The following ZFHX2 variants were observed in gnomAD, a reference collection of about 807,000 sequenced individuals.
The protein encoded by ZFHX2 is zinc finger homeobox 2.
In ZFHX2, 75 loss-of-function variants were observed where a neutral mutation model predicts 164.8. That is an observed-to-expected ratio of 0.46 (90% CI 0.38 to 0.55). The LOEUF is 0.55. Among genes scored for constraint, ZFHX2 ranks in the 20% least tolerant of loss-of-function variants. The pLI is 0.00. For synonymous variants in ZFHX2, 1,217 were observed against 1,351.4 expected (o/e 0.90, Z 2.18); for missense variants, 2,933 against 3,308.0 (o/e 0.89, Z 2.78).
chr14:23,522,096 C>T lies in ZFHX2; in HGVS notation c.7585G>A (p.Gly2529Ser), dbSNP rs1878072476. 6.5e-7 allele frequency: 1 copy of T among 1,535,680 alleles called. No homozygotes were observed. The highest frequency in any genetic ancestry group is 1.4e-5 in the African/African-American group (1 of 73,162). Residue 2529 changes from glycine (G) to serine (S), a missense_variant, in exon 10 of 10, where the codon GGC (glycine) becomes AGC (serine). Physicochemically the swap from Gly to Ser is moderately conservative, Grantham distance 56. Coordinates refer to ENST00000419474, the MANE Select transcript of ZFHX2 (RefSeq NM_033400.3). ...HRRKAAPPQG[G>S]PPISITNAAT... is the part of the protein sequence containing the mutation. The stretch of plus-strand genomic sequence containing the variant: ...GCGTTGGTGATGGAGATGGGTGGGC[C>T]CCCTTGAGGTGGGGCTGCCTTGCGC...
intron 1 of ZFHX2, chr14:23,544,283 G>GAAAAAAAAAAAAAAA (rs369824791): frequency 2.8e-5 from 2 of 71,414 alleles, no homozygotes; most frequent in African/African-American, 9.6e-5. Flanking sequence ...ACAGAAAACA[G>GAAAAAAAAAAAAAAA]AAAAAAAAAA....
At chr14:23,553,841 C>T (rs568193185), upstream of ZFHX2, among the ~76,000 whole-genome samples, 8 of 152,062 alleles carry the variant, frequency 5.3e-5, no homozygotes, top group Non-Finnish European at 8.8e-5. Flanking sequence ...TTGCAGTGAG[C>T]CGAGATGGCG....
Position 23,526,872 on chromosome 14 carries a change from A to T in ZFHX2, c.3237T>A (p.Pro1079=), listed in dbSNP as rs761972807. The T allele has an allele frequency of 1.4e-5, 21 of 1,533,516 alleles. No homozygotes were observed. Among genetic ancestry groups the T allele is most frequent in the Non-Finnish European group, 1.8e-5 (21 of 1,145,852 alleles). The allele number at this position is 1,533,516 out of a possible 1,614,324, so 95.0% of individuals were successfully genotyped here. A position where few individuals can be genotyped will look rare whatever the true frequency, so the allele number is the denominator to read the frequency against. The change falls in exon 8 of 10, where the codon CCT becomes CCA. Residue 1079 remains proline (P), a synonymous_variant. Coordinates refer to ENST00000419474, the MANE Select transcript of ZFHX2 (RefSeq NM_033400.3). ...CTGCTGCCTGGTCTCTGCTCGGTGT[A>T]GGCTCTGGCCCATGAGTGGGGGGTT... The part of the protein sequence containing the change: ...GQEPPTHGPE[P]TPSRDQAAEG...
chr14:23,525,642 C>T lies in ZFHX2; in HGVS notation c.4300G>A (p.Glu1434Lys), dbSNP rs1015652396. ...PSSPPDPLPN[E>K]AARTAAKALL... ...GCTTTGGCTGCAGTGCGGGCAGCCT[C>T]GTTGGGCAATGGGTCGGGGGGTGAG... Residue 1434 changes from glutamate (E) to lysine (K), a missense_variant, in exon 9 of 10, where the codon GAG becomes AAG. Physicochemically the swap from Glu to Lys is moderately conservative, Grantham distance 56 (BLOSUM62 1). Coordinates refer to ENST00000419474, the MANE Select transcript of ZFHX2 (RefSeq NM_033400.3). This position sits in a 1 kb window ranked among gnomAD's most constrained non-coding sequence, Gnocchi z 5.9. The T allele has an allele frequency of 9.1e-6, 14 of 1,535,706 alleles. No homozygotes were observed. Among genetic ancestry groups the T allele is most frequent in the African/African-American group, 2.7e-5 (2 of 73,000 alleles).
upstream of ZFHX2, among the ~76,000 whole-genome samples, chr14:23,554,640 G>A (rs186274033): frequency 6.7e-6 from 1 of 149,328 alleles, no homozygotes; most frequent in African/African-American, 2.5e-5. Flanking sequence ...CTCCTGCCTC[G>A]ACCTCCCAAA....
In ZFHX2 at chr14:23,533,254, GAGAGA is replaced by G. The variant is rs1034315529; in HGVS notation, c.2041+26_2041+30del. 8.1e-6 allele frequency: 9 copies of G among 1,106,192 alleles called. No individual in the cohort carries two copies. Among genetic ancestry groups the G allele is most frequent in the Middle Eastern group, 2.8e-4 (1 of 3,590 alleles). 68.5% of individuals were successfully genotyped at this position (1,106,192 alleles called of 1,614,324 possible). A position where few individuals can be genotyped will look rare whatever the true frequency, so the allele number is the denominator to read the frequency against. The stretch of plus-strand genomic sequence containing the variant: ...CGGAATAGAGTTTGGCCCTGGGGAG[GAGAGA>G]AGAGGGAAGAAGCACAGAAGCTTAC... On this transcript the variant is annotated intron_variant, in intron 2 of 9. Coordinates refer to ENST00000419474, the MANE Select transcript of ZFHX2 (RefSeq NM_033400.3). The surrounding 1 kb of genome is among the most constrained non-coding windows in gnomAD (Gnocchi z 4.8).
chr14:23,521,989 C>T lies in ZFHX2; in HGVS notation c.7692G>A (p.Thr2564=), dbSNP rs199642013. Residue 2564 remains threonine, a synonymous_variant, in exon 10 of 10, where the codon ACG becomes ACA. Transcript: ENST00000419474. ...LPHTDSNPKT[T]TTSTLLAL ...ATAAAGCTAGAAGTGTAGAGGTAGT[C>T]GTAGTTTTTGGGTTGGAGTCCGTGT... 3.4e-5 allele frequency: 52 copies of T among 1,536,192 alleles called. No homozygotes were observed. Among genetic ancestry groups the T allele is most frequent in the South Asian group, 8.3e-5 (7 of 84,012 alleles).
At position 23,533,651 on chromosome 14, in the gene ZFHX2, C is replaced by T. The variant is rs751758978; in HGVS notation, c.1675G>A (p.Gly559Arg). 45 of 1,537,102 alleles carry T rather than the reference C, an allele frequency of 2.9e-5. No individual in the cohort carries two copies. Among genetic ancestry groups the T allele is most frequent in the Non-Finnish European group, 3.8e-5 (44 of 1,147,148 alleles). The part of the protein sequence containing the change: ...PPEASLPPSA[G>R]DKEPKTKSSW... ...GATTTGGTCTTAGGCTCTTTGTCTC[C>T]CGCGGAGGGTGGGAGTGATGCCTCT... The change falls in exon 2 of 10, where the codon GGA becomes AGA. Residue 559 changes from glycine (G) to arginine (R), a missense_variant. Physicochemically the swap from Gly to Arg is moderately radical, Grantham distance 125. Transcript: ENST00000419474. This position sits in a 1 kb window ranked among gnomAD's most constrained non-coding sequence, Gnocchi z 4.8.
At position 23,534,191 on chromosome 14, in the gene ZFHX2, G is replaced by C. The variant is rs1346896262; in HGVS notation, c.1135C>G (p.Gln379Glu). The C allele has an allele frequency of 6.8e-7, 1 of 1,479,782 alleles. No homozygotes were observed. Among genetic ancestry groups the C allele is most frequent in the Non-Finnish European group, 8.9e-7 (1 of 1,119,016 alleles). 91.7% of individuals were successfully genotyped at this position (1,479,782 alleles called of 1,614,324 possible). Residue 379 changes from glutamine to glutamate, a missense_variant, in exon 2 of 10, where the codon CAA (glutamine) becomes GAA (glutamate). By Grantham distance (29) the Gln-to-Glu change is conservative. Transcript: ENST00000419474. The surrounding 1 kb of genome is among the most constrained non-coding windows in gnomAD (Gnocchi z 4.5). The stretch of plus-strand genomic sequence containing the variant: ...GGGCAGAGCCCTCCATCCTCTTCTT[G>C]CCCCTCAGGGAACCAATCTGGCCCT... ...EAGPDWFPEG[Q>E]EEDGGLCPPL...
rs1877965747 is a variant in ZFHX2, at chr14:23,521,400, T to C, written c.*562A>G. Reference sequence around the variant, plus strand: ...GCATTTGGAAAGAGTTTGTGAGCGGTGTGGTGCTCTAGACAAAGGGTTAGG... The same window carrying C: ...GCATTTGGAAAGAGTTTGTGAGCGGCGTGGTGCTCTAGACAAAGGGTTAGG... On this transcript the variant is annotated 3_prime_UTR_variant, in exon 10 of 10. Coordinates refer to ENST00000419474, the MANE Select transcript of ZFHX2 (RefSeq NM_033400.3). 2 of 152,478 alleles carry C rather than the reference T, an allele frequency of 1.3e-5. No individual in the cohort carries two copies. Among genetic ancestry groups the C allele is most frequent in the South Asian group, 2.1e-4 (1 of 4,832 alleles). The allele number at this position is 152,478 out of a possible 1,614,324, so 9.4% of individuals were successfully genotyped here. A position where few individuals can be genotyped will look rare whatever the true frequency, so the allele number is the denominator to read the frequency against.
At chr14:23,548,730 C>T (rs555441438) in intron 1 of ZFHX2, among the ~76,000 whole-genome samples, 5 of 152,318 alleles carry the variant, frequency 3.3e-5, no homozygotes, top group African/African-American at 1.2e-4. Context: ...TTCTCTCTCT[C>T]TCTGTCTCTT....
chr14:23,523,142 G>C lies in ZFHX2; in HGVS notation c.6739+61C>G, dbSNP rs1878255771. 1.4e-6 allele frequency: 2 copies of C among 1,403,840 alleles called. No individual in the cohort carries two copies. Among genetic ancestry groups the C allele is most frequent in the African/African-American group, 2.9e-5 (2 of 69,150 alleles). The allele number at this position is 1,403,840 out of a possible 1,614,324, so 87.0% of individuals were successfully genotyped here. The stretch of plus-strand genomic sequence containing the variant: ...GGGAAGAATCAGGAAGGAAAAGGAA[G>C]GGCATGTCATTAGAGGGGGATGTTC... On this transcript the variant is annotated intron_variant, in intron 9 of 9. Transcript: ENST00000419474. The surrounding 1 kb of genome is among the most constrained non-coding windows in gnomAD (Gnocchi z 4.1).
At chr14:23,530,457 T>C (rs1056123050) in intron 4 of ZFHX2, 1 of 650,090 alleles carries the variant, frequency 1.5e-6, no homozygotes, top group Non-Finnish European at 2.8e-6. Flanking sequence ...AGTCCAGCAG[T>C]AGACAGCAGA....
At chr14:23,550,874 G>A (rs1204234601) in intron 1 of ZFHX2, among the ~76,000 whole-genome samples, 1 of 151,930 alleles carries the variant, frequency 6.6e-6, no homozygotes, top group East Asian at 1.9e-4. Flanking sequence ...CGCCGGCCGC[G>A]GTTCTCCCAT....
intron 8 of ZFHX2, 73 bp from the exon 9 acceptor site, chr14:23,526,752 G>A (rs912000973): frequency 3.3e-6 from 5 of 1,532,608 alleles, no homozygotes; most frequent in African/African-American, 1.4e-5. Flanking sequence ...TCAATACCAA[G>A]GCAGTTGACC....
Position 23,525,708 on chromosome 14 carries a change from G to T in ZFHX2, c.4234C>A (p.Arg1412=). 1 of 1,522,042 alleles carries T rather than the reference G, an allele frequency of 6.6e-7. No individual in the cohort carries two copies. Among genetic ancestry groups the T allele is most frequent in the South Asian group, 1.2e-5 (1 of 81,506 alleles). The allele number at this position is 1,522,042 out of a possible 1,614,324, so 94.3% of individuals were successfully genotyped here. ...TTACCCTCTTTGGCCATGGGGGGCC[G>T]CTCCCACTCCCGCTCAGCCAGCTCA... ...KAELAEREWE[R]PPMAKEGNEA... Residue 1412 remains arginine, a synonymous_variant, in exon 9 of 10, where the codon CGG becomes AGG. Coordinates refer to ENST00000419474, the MANE Select transcript of ZFHX2 (RefSeq NM_033400.3). The surrounding 1 kb of genome is among the most constrained non-coding windows in gnomAD (Gnocchi z 5.9).
chr14:23,524,628 C>T lies in ZFHX2; in HGVS notation c.5314G>A (p.Asp1772Asn), dbSNP rs1057346953. The change falls in exon 9 of 10, where the codon GAC (aspartate) becomes AAC (asparagine). Residue 1772 changes from aspartate (D) to asparagine (N), a missense_variant. Physicochemically the swap from Asp to Asn is conservative, Grantham distance 23 (BLOSUM62 1). Coordinates refer to ENST00000419474, the MANE Select transcript of ZFHX2 (RefSeq NM_033400.3). This position sits in a 1 kb window ranked among gnomAD's most constrained non-coding sequence, Gnocchi z 5.6. Reference protein sequence around the residue: ...TPSPSPAHTCDQCAISFSSQD... With the variant: ...TPSPSPAHTCNQCAISFSSQD... ...CTGGAGAAAGAAATGGCACACTGGT[C>T]ACAGGTATGGGCTGGGGAAGGTGAT... 11 of 1,536,380 alleles carry T rather than the reference C, an allele frequency of 7.2e-6. No individual in the cohort carries two copies. In the South Asian group the frequency reaches 1.1e-4, roughly 15 times the overall value.
Position 23,532,692 on chromosome 14 carries a change from G to A in ZFHX2, c.2434C>T (p.Pro812Ser). The change falls in exon 3 of 10, where the codon CCT (proline) becomes TCT (serine). Residue 812 changes from proline (P) to serine (S), a missense_variant. Physicochemically the swap from Pro to Ser is moderately conservative, Grantham distance 74 (BLOSUM62 -1). Coordinates refer to ENST00000419474, the MANE Select transcript of ZFHX2 (RefSeq NM_033400.3). ...PSPASLGDGA[P>S]YGSVSPLHLR... ...TGTAGTGGGGAGACAGACCCATAAGGAGCCCCATCTCCCAGGGATGCTGGG... is the reference window on the plus strand; with the variant it reads ...TGTAGTGGGGAGACAGACCCATAAGAAGCCCCATCTCCCAGGGATGCTGGG... 6.5e-7 allele frequency: 1 copy of A among 1,530,054 alleles called. No individual in the cohort carries two copies. The highest frequency in any genetic ancestry group is 8.7e-7 in the Non-Finnish European group (1 of 1,143,482). The allele number at this position is 1,530,054 out of a possible 1,614,324, so 94.8% of individuals were successfully genotyped here. A position where few individuals can be genotyped will look rare whatever the true frequency, so the allele number is the denominator to read the frequency against.
rs1879556071 is a variant in ZFHX2 at position 23,531,567 on chromosome 14, A to T, written c.2714T>A (p.Leu905Gln). Residue 905 changes from leucine to glutamine, a missense_variant, in exon 4 of 10, where the codon CTG becomes CAG. Physicochemically the swap from Leu to Gln is moderately radical, Grantham distance 113. Coordinates refer to ENST00000419474, the MANE Select transcript of ZFHX2 (RefSeq NM_033400.3). ...CTCAGTGGTTGGGCCATTCTGTAGC[A>T]GCTGCAGACGCCTCTGGGCCTGGGC... is the stretch of plus-strand genomic sequence containing the variant. ...RDAQAQRRLQ[L>Q]LQNGPTTEEG... 2 of 1,524,940 alleles carry T rather than the reference A, an allele frequency of 1.3e-6. No individual in the cohort carries two copies. Among genetic ancestry groups the T allele is most frequent in the Non-Finnish European group, 1.8e-6 (2 of 1,140,050 alleles). The allele number at this position is 1,524,940 out of a possible 1,614,324, so 94.5% of individuals were successfully genotyped here. A position where few individuals can be genotyped will look rare whatever the true frequency, so the allele number is the denominator to read the frequency against.
Sources: allele counts gnomAD v4.1 joint callset (sites outside exome capture counted in the v4.1 genomes callset), GRCh38; gene constraint gnomAD v4.1.1; non-coding constraint Gnocchi (gnomAD v3.1); transcripts MANE v1.5; gene names NCBI Gene and HGNC (gene_info 2026-07-23, HGNC 2026-07-21).